KCNT1: variants seen among roughly 807,000 people sequenced by gnomAD.
KCNT1 encodes potassium sodium-activated channel subfamily T member 1, also known as potassium channel subfamily T member 1.
A neutral mutation model predicts 147.8 loss-of-function variants in KCNT1; 78 were observed. The observed-to-expected ratio is 0.53, with a 90% CI of 0.44 to 0.64. The LOEUF (loss-of-function observed/expected upper bound fraction) is 0.64, where lower values mean the gene tolerates loss of function less well. Among genes scored for constraint, KCNT1 ranks in the 30% least tolerant of loss-of-function variants. The probability of loss-of-function intolerance (pLI) is 0.00; values close to 1 mark genes in which losing one functional copy is unlikely to be tolerated. For synonymous variants in KCNT1, 867 were observed against 748.8 expected, an observed-to-expected ratio of 1.16 and a Z score of -2.58; for missense variants, 1,419 against 1,750.3, an observed-to-expected ratio of 0.81 and a Z score of 3.38.
chr9:135,769,906 G>A (rs372237184), intron 15 of KCNT1, 41 bp from the exon 16 acceptor site: 69 of 1,427,400 alleles, frequency 4.8e-5, no homozygotes, highest in African/African-American at 8.5e-5. Flanking sequence ...GGAGAGAGCC[G>A]GCAGAGCGGC....
In KCNT1 at chr9:135,770,857, G is replaced by A. The variant is rs745575483; in HGVS notation, c.1770G>A (p.Lys590=). ...FTYAAFHAHK[K]YGVCLIGLKR... is the part of the protein sequence containing the mutation. ...TGAAGTTGCCGGTGCCTCTGCCCAG[G>A]TATGGCGTGTGCCTCATCGGGCTGA... is the stretch of plus-strand genomic sequence containing the variant. Residue 590 remains lysine (K), a splice_region_variant and synonymous_variant, in exon 18 of 31, where the codon AAG becomes AAA. Transcript: ENST00000371757. 1.1e-5 allele frequency: 17 copies of A among 1,565,004 alleles called. No individual in the cohort carries two copies. In the African/African-American group the frequency reaches 2.3e-4, roughly 21 times the overall value.
chr9:135,761,184 TTC>T (rs1831890903), intron 11 of KCNT1, among the ~76,000 whole-genome samples: 1 of 152,176 alleles, frequency 6.6e-6, no homozygotes, highest in African/African-American at 2.4e-5. Flanking sequence ...CCCTTATGGT[TTC>T]TGTTTTCCTG....
intron 12 of KCNT1, 41 bp from the exon 13 acceptor site, chr9:135,765,583 G>A: frequency 1.3e-6 from 2 of 1,582,558 alleles, no homozygotes; most frequent in East Asian, 4.5e-5. Flanking sequence ...GGGCGGGGCA[G>A]GGGCTGGCTC....
chr9:135,786,310 T>TGACCCCGCAGAGCACCCACTGCTACGGC lies in KCNT1; in HGVS notation c.3293_3320dup (p.Lys1108ProfsTer47), dbSNP rs761329894. On this transcript the variant is annotated frameshift_variant, in exon 29 of 31. Coordinates refer to ENST00000371757, the MANE Select transcript of KCNT1 (RefSeq NM_020822.3). LOFTEE classifies it high-confidence loss of function. ...CCCAGGGCCGCCACACGGGCGGCGGTGACCCCGCAGAGCACCCACTGCTAC... is the reference window on the plus strand; with the variant it reads ...CCCAGGGCCGCCACACGGGCGGCGGTGACCCCGCAGAGCACCCACTGCTACGGCGACCCCGCAGAGCACCCACTGCTAC... 6.2e-7 allele frequency: 1 copy of TGACCCCGCAGAGCACCCACTGCTACGGC among 1,601,676 alleles called. No individual in the cohort carries two copies. Among genetic ancestry groups the TGACCCCGCAGAGCACCCACTGCTACGGC allele is most frequent in the East Asian group, 2.3e-5 (1 of 44,370 alleles).
Position 135,759,805 on chromosome 9 carries a change from G to T in KCNT1, c.981G>T (p.Ser327=). 6.2e-7 allele frequency: 1 copy of T among 1,613,190 alleles called. No homozygotes were observed. Among genetic ancestry groups the T allele is most frequent in the Non-Finnish European group, 8.5e-7 (1 of 1,179,738 alleles). The part of the protein sequence containing the change: ...YGDVTPKIWP[S]QLLVVIMICV... ...ACGTCACGCCCAAGATCTGGCCATCGCAGCTGCTGGTGGTCATCATGATCT... is the reference window on the plus strand; with the variant it reads ...ACGTCACGCCCAAGATCTGGCCATCTCAGCTGCTGGTGGTCATCATGATCT... The change falls in exon 11 of 31, where the codon TCG becomes TCT. Residue 327 remains serine (S), a synonymous_variant. Coordinates refer to ENST00000371757, the MANE Select transcript of KCNT1 (RefSeq NM_020822.3).
At chr9:135,747,642 G>A (rs1332046788) in intron 2 of KCNT1, among the ~76,000 whole-genome samples, 1 of 152,192 alleles carries the variant, frequency 6.6e-6, no homozygotes, top group African/African-American at 2.4e-5. Context: ...GGCACACAGA[G>A]GAGAGGCGTG....
chr9:135,788,232 T>C, intron 29 of KCNT1: 1 of 1,282,876 alleles, frequency 7.8e-7, no homozygotes, highest in South Asian at 1.2e-5. Context: ...CCGGCAGCCT[T>C]GCTGCGCCAT....
At chr9:135,745,738 C>G (rs958460318) in intron 2 of KCNT1, among the ~76,000 whole-genome samples, 1 of 152,234 alleles carries the variant, frequency 6.6e-6, no homozygotes, top group Non-Finnish European at 1.5e-5. Context: ...GAGGCCCAGG[C>G]GCTGGCAGGT....
chr9:135,706,939 C>T (rs1319153042), intron 1 of KCNT1, among the ~76,000 whole-genome samples: 1 of 151,952 alleles, frequency 6.6e-6, no homozygotes, highest in Non-Finnish European at 1.5e-5. Context: ...CCCAGCCCTC[C>T]CAGAGTTCAT....
chr9:135,758,832 G>A (rs896641420), intron 10 of KCNT1, among the ~76,000 whole-genome samples: 2 of 152,250 alleles, frequency 1.3e-5, no homozygotes, highest in Admixed American at 1.3e-4. Context: ...CTGAGGCCCA[G>A]CTGAAAGCAG....
chr9:135,748,060 G>C (rs1375127914), intron 2 of KCNT1, among the ~76,000 whole-genome samples: 2 of 152,190 alleles, frequency 1.3e-5, no homozygotes. Context: ...TCCTGCCTCA[G>C]CCTCCCCAGA....
At chr9:135,774,106 GTGTT>G (rs992518987) in intron 19 of KCNT1, among the ~76,000 whole-genome samples, 21 of 97,550 alleles carry the variant, frequency 2.2e-4, no homozygotes, top group Non-Finnish European at 3.5e-4. Flanking sequence ...GTGTCAACGT[GTGTT>G]TGTCACGTGT....
intron 21 of KCNT1, 55 bp downstream of exon 21, chr9:135,777,565 C>G: frequency 2.0e-6 from 3 of 1,532,070 alleles, no homozygotes; most frequent in Non-Finnish European, 1.8e-6. Context: ...AGACCTGCAG[C>G]CAGCAGCCTC....
rs777349172 is a variant in KCNT1 at position 135,702,318 on chromosome 9, G to A, written c.60G>A (p.Gly20=). The A allele has an allele frequency of 9.3e-6, 15 of 1,611,376 alleles. No homozygotes were observed. The highest frequency in any genetic ancestry group is 1.2e-5 in the Non-Finnish European group (14 of 1,179,290). Residue 20 remains glycine, a synonymous_variant, in exon 1 of 31, where the codon GGG becomes GGA. Transcript: ENST00000371757. ...PGGVCREARG[G]GYTNRTFEFD... ...GCGTCTGCCGGGAGGCGCGCGGCGGGGGCTACACCAACCGGACCTTCGAGT... is the reference window on the plus strand; with the variant it reads ...GCGTCTGCCGGGAGGCGCGCGGCGGAGGCTACACCAACCGGACCTTCGAGT...
At position 135,765,120 on chromosome 9, in the gene KCNT1, C is replaced by T; in HGVS notation, c.1125C>T (p.Val375=). The change falls in exon 12 of 31, where the codon GTC becomes GTT. Residue 375 remains valine (V), a synonymous_variant. Transcript: ENST00000371757. Reference sequence around the variant, plus strand: ...GTGCGCAGACGGAGAAGCACGTGGTCCTGTGTGTCAGCTCCCTCAAGATCG... The same window carrying T: ...GTGCGCAGACGGAGAAGCACGTGGTTCTGTGTGTCAGCTCCCTCAAGATCG... ...RHRAQTEKHV[V]LCVSSLKIDL... The T allele has an allele frequency of 6.2e-7, 1 of 1,613,578 alleles. No homozygotes were observed. Among genetic ancestry groups the T allele is most frequent in the Middle Eastern group, 1.7e-4 (1 of 6,058 alleles).
At chr9:135,731,234 C>T (rs1156257910) in intron 2 of KCNT1, among the ~76,000 whole-genome samples, 2 of 152,148 alleles carry the variant, frequency 1.3e-5, no homozygotes, top group Admixed American at 6.6e-5. Flanking sequence ...CGAACCTTCC[C>T]TGCCCTGAGT....
chr9:135,738,522 C>T (rs1045558372), intron 2 of KCNT1, among the ~76,000 whole-genome samples: 1 of 152,118 alleles, frequency 6.6e-6, no homozygotes, highest in African/African-American at 2.4e-5. Context: ...TCGCAGTGCC[C>T]GCAGCTGCCT....
intron 10 of KCNT1, among the ~76,000 whole-genome samples, chr9:135,758,763 G>A (rs1237202658): frequency 6.6e-6 from 1 of 152,158 alleles, no homozygotes; most frequent in African/African-American, 2.4e-5. Flanking sequence ...CTGGCTTCCT[G>A]GTCTATGCCA....
At chr9:135,766,500 G>A (rs530552255) in intron 13 of KCNT1, among the ~76,000 whole-genome samples, 143 of 151,736 alleles carry the variant, frequency 9.4e-4, no homozygotes, top group Non-Finnish European at 1.1e-3. Context: ...GGGTTGTCTG[G>A]GGTGGGCCAT....
Sources: gnomAD v4.1 joint callset for allele counts (sites outside exome capture counted in the v4.1 genomes callset) on GRCh38, gnomAD v4.1.1 for gene constraint, MANE v1.5 for transcripts, NCBI Gene and HGNC (gene_info 2026-07-23, HGNC 2026-07-21) for gene names.